The following PARD3 variants were observed in gnomAD, a reference collection of about 807,000 sequenced individuals.
PARD3 encodes the protein par-3 family cell polarity regulator.
PARD3 carries 75 observed loss-of-function variants against 155.4 expected under a neutral mutation model. That is an observed-to-expected ratio of 0.48 (90% CI 0.40 to 0.58). The LOEUF is 0.58. Ranked by LOEUF, PARD3 falls within the 20% of genes least tolerant of loss-of-function variation. The pLI is 0.00. For synonymous variants in PARD3, 576 were observed against 610.5 expected, an observed-to-expected ratio of 0.94 and a Z score of 0.83; for missense variants, 1,642 against 1,721.7, an observed-to-expected ratio of 0.95 and a Z score of 0.82.
At chr10:34,120,091 A>G (rs1232791323) in intron 23 of PARD3, among the ~76,000 whole-genome samples, 2 of 135,338 alleles carry the variant, frequency 1.5e-5, no homozygotes, top group Admixed American at 1.8e-4. Flanking sequence ...ATCATGGCTC[A>G]CTGCAGCCTT....
intron 22 of PARD3, among the ~76,000 whole-genome samples, chr10:34,192,182 C>A (rs1397698154): frequency 6.6e-6 from 1 of 152,112 alleles, no homozygotes; most frequent in Non-Finnish European, 1.5e-5. Context: ...ATCCTCCCAC[C>A]TTAGCCTCCT....
intron 5 of PARD3, among the ~76,000 whole-genome samples, chr10:34,435,200 A>G (rs1427895669): frequency 6.6e-6 from 1 of 152,234 alleles, no homozygotes; most frequent in Non-Finnish European, 1.5e-5. Context: ...ACAGGAAAAA[A>G]AAAGGAAGTC....
chr10:34,582,769 C>T (rs1316633607), intron 2 of PARD3, among the ~76,000 whole-genome samples: 1 of 152,234 alleles, frequency 6.6e-6, no homozygotes, highest in Non-Finnish European at 1.5e-5. Flanking sequence ...CAGTCATGTG[C>T]TCACCTTGCA....
chr10:34,161,885 T>A (rs1949301032), intron 22 of PARD3, among the ~76,000 whole-genome samples: 4 of 152,288 alleles, frequency 2.6e-5, no homozygotes, highest in Middle Eastern at 6.8e-3. Flanking sequence ...TGCTCGACGC[T>A]TTCAGTTTTG....
At chr10:34,520,744 C>G (rs571625353) in intron 2 of PARD3, among the ~76,000 whole-genome samples, 20 of 152,196 alleles carry the variant, frequency 1.3e-4, no homozygotes, top group Non-Finnish European at 2.6e-4. Context: ...AATAAACAGG[C>G]CAAATTTGGC....
intron 22 of PARD3, among the ~76,000 whole-genome samples, chr10:34,223,006 C>T (rs1478053823): frequency 6.6e-6 from 1 of 152,172 alleles, no homozygotes; most frequent in African/African-American, 2.4e-5. Flanking sequence ...TTCAGGCCTT[C>T]CCTTTAGTCA....
chr10:34,661,639 C>T (rs898208459), intron 2 of PARD3, among the ~76,000 whole-genome samples: 1 of 152,200 alleles, frequency 6.6e-6, no homozygotes, highest in Non-Finnish European at 1.5e-5. Context: ...ATGAACATGA[C>T]CTATTTATTC....
chr10:34,516,189 T>G (rs527705162), intron 3 of PARD3, among the ~76,000 whole-genome samples: 2 of 152,162 alleles, frequency 1.3e-5, no homozygotes, highest in South Asian at 4.1e-4. Flanking sequence ...GATCTCAAAC[T>G]CCTGACCTCA....
At chr10:34,261,713 GAAGA>G (rs59903833) in intron 22 of PARD3, among the ~76,000 whole-genome samples, 2,171 of 17,254 alleles carry the variant, frequency 0.13, 73 homozygotes, top group African/African-American at 0.33. Flanking sequence ...AGAAAGGAAG[GAAGA>G]AAGGAAGAAA....
At chr10:34,331,787 C>G (rs929984089) in intron 18 of PARD3, among the ~76,000 whole-genome samples, 13 of 150,726 alleles carry the variant, frequency 8.6e-5, no homozygotes, top group African/African-American at 3.2e-4. Flanking sequence ...TTCTTTAGAA[C>G]AGAAGCTAGA....
chr10:34,748,394 C>T (rs998093653), intron 1 of PARD3, among the ~76,000 whole-genome samples: 5 of 152,046 alleles, frequency 3.3e-5, no homozygotes, highest in African/African-American at 4.8e-5. Context: ...CGATTGAGCC[C>T]GGGAGGCGGA....
intron 1 of PARD3, among the ~76,000 whole-genome samples, chr10:34,766,280 A>T (rs1020913952): frequency 8.5e-5 from 13 of 152,210 alleles, no homozygotes; most frequent in Non-Finnish European, 5.9e-5. Context: ...GATCACCCAA[A>T]GCTGACACTA....
In PARD3 at chr10:34,718,382, G is replaced by A. The variant is rs374062678; in HGVS notation, c.121-21963C>T. ...AGGTCAAAACATGCACAGTGAGGCTGGGCACAGTGGCTCACACCTGTAATC... is the reference window on the plus strand; with the variant it reads ...AGGTCAAAACATGCACAGTGAGGCTAGGCACAGTGGCTCACACCTGTAATC... On this transcript the variant is annotated intron_variant, in intron 1 of 24. Transcript: ENST00000374788. Among the ~76,000 whole-genome samples the A allele has an allele frequency of 4.2e-4, 64 of 151,838 alleles. No individual in the cohort carries two copies. The East Asian group carries it at 0.011, about 27-fold the overall frequency.
chr10:34,481,488 C>T (rs533579445), intron 3 of PARD3, among the ~76,000 whole-genome samples: 98 of 152,266 alleles, frequency 6.4e-4, no homozygotes, highest in South Asian at 5.0e-3. Context: ...TGCATAAAAA[C>T]GTGGTATCCC....
Position 34,112,500 on chromosome 10 carries a change from C to G in PARD3, c.3669-938G>C, listed in dbSNP as rs551643439. ...TTCTGTGCCAGAAAGGAAGACATGC[C>G]CTAATTTTTTTGCCTTGAAAATGGA... On this transcript the variant is annotated intron_variant, in intron 24 of 24. Coordinates refer to ENST00000374788, the MANE Select transcript of PARD3 (RefSeq NM_001184785.2). Among the ~76,000 whole-genome samples the G allele has an allele frequency of 9.9e-5, 15 of 152,190 alleles. No individual in the cohort carries two copies. In the South Asian group the frequency reaches 2.9e-3, roughly 30 times the overall value.
intron 2 of PARD3, among the ~76,000 whole-genome samples, chr10:34,613,989 T>A (rs1354996446): frequency 6.6e-6 from 1 of 152,162 alleles, no homozygotes; most frequent in African/African-American, 2.4e-5. Context: ...ACCTAGGCTA[T>A]CCTTATAGGA....
chr10:34,239,179 G>A (rs946015009), intron 22 of PARD3, among the ~76,000 whole-genome samples: 3 of 152,224 alleles, frequency 2.0e-5, no homozygotes, highest in Non-Finnish European at 2.9e-5. Context: ...GAGAACTGGT[G>A]AATTACTAAG....
chr10:34,613,372 G>A (rs2091041931), intron 2 of PARD3, among the ~76,000 whole-genome samples: 1 of 152,188 alleles, frequency 6.6e-6, no homozygotes, highest in Non-Finnish European at 1.5e-5. Context: ...AAAGAAAGCA[G>A]CCCCAAAACA....
intron 2 of PARD3, among the ~76,000 whole-genome samples, chr10:34,538,744 G>A (rs2083394334): frequency 6.6e-6 from 1 of 152,246 alleles, no homozygotes; most frequent in Non-Finnish European, 1.5e-5. Flanking sequence ...GAGCCTTCTA[G>A]GAAGAAGAGG....
Sources: gnomAD v4.1 joint callset for allele counts (sites outside exome capture counted in the v4.1 genomes callset) on GRCh38, gnomAD v4.1.1 for gene constraint, MANE v1.5 for transcripts, NCBI Gene and HGNC (gene_info 2026-07-23, HGNC 2026-07-21) for gene names.